NPAT: variants seen among roughly 807,000 people sequenced by gnomAD.
NPAT encodes the protein nuclear protein, coactivator of histone transcription, also known as protein NPAT.
A neutral mutation model predicts 130.7 loss-of-function variants in NPAT; 52 were observed. That is an observed-to-expected ratio of 0.40 (90% CI 0.32 to 0.50). The LOEUF is 0.50. Among genes scored for constraint, NPAT ranks in the 20% least tolerant of loss-of-function variants. The pLI is 0.68. For missense variants in NPAT, 1,687 were observed against 1,662.6 expected, an observed-to-expected ratio of 1.01 and a Z score of -0.26; for synonymous variants, 580 against 584.8, an observed-to-expected ratio of 0.99 and a Z score of 0.12.
At position 108,169,969 on chromosome 11, in the gene NPAT, C is replaced by A; in HGVS notation, c.2860G>T (p.Val954Phe). 6.2e-7 allele frequency: 1 copy of A among 1,613,960 alleles called. No homozygotes were observed. The highest frequency in any genetic ancestry group is 1.7e-5 in the Admixed American group (1 of 60,020). The change falls in exon 14 of 18, where the codon GTT becomes TTT. Residue 954 changes from valine (V) to phenylalanine (F), a missense_variant. Physicochemically the swap from Val to Phe is conservative, Grantham distance 50. Transcript: ENST00000278612. The part of the protein sequence containing the change: ...GMVGMIPVSV[V>F]GQNGNNFSTP... ...GAAAAGTTATTTCCATTCTGTCCAA[C>A]CACAGATACTGGGATCATCCCTACC... is the stretch of plus-strand genomic sequence containing the variant.
At position 108,181,124 on chromosome 11, in the gene NPAT, A is replaced by G. The variant is rs185641976; in HGVS notation, c.907-4034T>C. Reference sequence around the variant, plus strand: ...GTGTTGAAGTCCCAACCTCAACAGGACTGTATTTGCAGATAAGACCTTTAA... The same window carrying G: ...GTGTTGAAGTCCCAACCTCAACAGGGCTGTATTTGCAGATAAGACCTTTAA... On this transcript the variant is annotated intron_variant, in intron 10 of 17. Transcript: ENST00000278612. Among the ~76,000 whole-genome samples, 6 of 152,338 alleles carry G rather than the reference A, an allele frequency of 3.9e-5. No individual in the cohort carries two copies. In the East Asian group the frequency reaches 1.2e-3, roughly 29 times the overall value.
rs2077812434 is a variant in NPAT, at chr11:108,158,081, T to C, written c.*861A>G. The C allele has an allele frequency of 6.6e-6, 1 of 152,520 alleles. No homozygotes were observed. The highest frequency in any genetic ancestry group is 1.5e-5 in the Non-Finnish European group (1 of 67,964). 9.4% of individuals were successfully genotyped at this position (152,520 alleles called of 1,614,324 possible). On this transcript the variant is annotated 3_prime_UTR_variant, in exon 18 of 18. Transcript: ENST00000278612. ...CACATAGAACACAAGATTTAAATTA[T>C]ATGTGCATTGGTCACTACAATGTAA...
intron 1 of NPAT, among the ~76,000 whole-genome samples, chr11:108,219,403 C>T (rs749797557): frequency 2.6e-4 from 39 of 152,146 alleles, no homozygotes; most frequent in Non-Finnish European, 4.4e-4. Flanking sequence ...AGCTGCTGGG[C>T]GTCTTAGCTT....
At chr11:108,215,126 C>T (rs1366024148) in intron 1 of NPAT, among the ~76,000 whole-genome samples, 1 of 152,178 alleles carries the variant, frequency 6.6e-6, no homozygotes, top group African/African-American at 2.4e-5. Flanking sequence ...CTTTTCTTAA[C>T]CTAGCTATCT....
chr11:108,187,203 C>T (rs949948759), intron 7 of NPAT, among the ~76,000 whole-genome samples: 9 of 152,148 alleles, frequency 5.9e-5, no homozygotes, highest in Non-Finnish European at 8.8e-5. Context: ...GTAATCCCAG[C>T]AATTTTGGAG....
intron 15 of NPAT, among the ~76,000 whole-genome samples, chr11:108,166,391 TAAA>T (rs954624017): frequency 1.3e-5 from 2 of 151,010 alleles, no homozygotes; most frequent in Non-Finnish European, 3.0e-5. Context: ...GACTCCCATC[TAAA>T]AAAAAATAAA....
In NPAT at chr11:108,189,322, T is replaced by C. The variant is rs373298862; in HGVS notation, c.340A>G (p.Arg114Gly). The C allele has an allele frequency of 9.9e-6, 16 of 1,614,204 alleles. No individual in the cohort carries two copies. Among genetic ancestry groups the C allele is most frequent in the Non-Finnish European group, 1.4e-5 (16 of 1,180,026 alleles). Residue 114 changes from arginine (R) to glycine (G), a missense_variant, in exon 6 of 18, where the codon AGA becomes GGA. Physicochemically the swap from Arg to Gly is moderately radical, Grantham distance 125 (BLOSUM62 -2). Transcript: ENST00000278612. The stretch of plus-strand genomic sequence containing the variant: ...CGTTTGATTTCTGCAATTCCAGTTC[T>C]CGTTCGGGCTGAAACATATAAGCAT... Reference protein sequence around the residue: ...RFAGSQRARTRTGIAEIKRQR... With the variant: ...RFAGSQRARTGTGIAEIKRQR...
rs915561142 is a variant in NPAT at position 108,193,085 on chromosome 11, T to G, written c.217+872A>C. Among the ~76,000 whole-genome samples, 8 of 152,220 alleles carry G rather than the reference T, an allele frequency of 5.3e-5. No individual in the cohort carries two copies. In the South Asian group the frequency reaches 1.2e-3, roughly 24 times the overall value. ...TCCTTTGTTATCATCTTATGCGAATTCTTTAGTGCTAATTGTTTTGTTAAT... is the reference window on the plus strand; with the variant it reads ...TCCTTTGTTATCATCTTATGCGAATGCTTTAGTGCTAATTGTTTTGTTAAT... On this transcript the variant is annotated intron_variant, in intron 3 of 17. Transcript: ENST00000278612.
chr11:108,172,913 C>T lies in NPAT; in HGVS notation c.2071G>A (p.Glu691Lys). The T allele has an allele frequency of 6.2e-7, 1 of 1,614,114 alleles. No individual in the cohort carries two copies. The highest frequency in any genetic ancestry group is 1.1e-5 in the South Asian group (1 of 91,086). Reference sequence around the variant, plus strand: ...TGACTGTTTTCTACAGGAGTGCCTTCTGGAGGCGTCAGTGCAACTTTCTCA... The same window carrying T: ...TGACTGTTTTCTACAGGAGTGCCTTTTGGAGGCGTCAGTGCAACTTTCTCA... ...NCEKVALTPP[E>K]GTPVENSHSL... is the part of the protein sequence containing the mutation. Residue 691 changes from glutamate to lysine, a missense_variant, in exon 13 of 18, where the codon GAA becomes AAA. Physicochemically the swap from Glu to Lys is moderately conservative, Grantham distance 56 (BLOSUM62 1). Around this residue, in one of 3 missense-constraint regions of NPAT, gnomAD observed 1,379 missense variants for 1,346.6 expected, o/e 1.02. Transcript: ENST00000278612.
intron 10 of NPAT, among the ~76,000 whole-genome samples, chr11:108,180,952 T>C (rs2078052666): frequency 6.6e-6 from 1 of 152,228 alleles, no homozygotes; most frequent in Non-Finnish European, 1.5e-5. Context: ...GTAAATGCTG[T>C]ATGATTCTAC....
At position 108,189,127 on chromosome 11, in the gene NPAT, G is replaced by GT. The variant is rs1178802232; in HGVS notation, c.534dup (p.Gln179ThrfsTer32). 1 of 1,613,898 alleles carries GT rather than the reference G, an allele frequency of 6.2e-7. No homozygotes were observed. The highest frequency in any genetic ancestry group is 1.1e-5 in the South Asian group (1 of 91,078). ...TTACTGGTTACAGTATCTTGTGACT[G>GT]TGAGTGGTTGACCACTACAAAATAT... On this transcript the variant is annotated frameshift_variant, in exon 6 of 18. Coordinates refer to ENST00000278612, the MANE Select transcript of NPAT (RefSeq NM_002519.3). LOFTEE classifies it high-confidence loss of function.
chr11:108,184,455 A>C (rs2078085582), intron 10 of NPAT, among the ~76,000 whole-genome samples: 1 of 145,044 alleles, frequency 6.9e-6, no homozygotes, highest in African/African-American at 2.5e-5. Flanking sequence ...CTGGGCGACA[A>C]AGTGAGACTC....
At chr11:108,190,356 T>C in intron 5 of NPAT, 104 bp downstream of exon 5, 1 of 802,154 alleles carries the variant, frequency 1.2e-6, no homozygotes. Context: ...AACAGTAGTT[T>C]AAGGAAAATA....
chr11:108,171,177 CT>C (rs1360909434), intron 13 of NPAT: 1 of 128,318 alleles, frequency 7.8e-6, no homozygotes, highest in East Asian at 2.3e-4. Flanking sequence ...GTCACCCAGG[CT>C]GAAGTGCAGT....
At chr11:108,179,664 G>A (rs1464448518) in intron 10 of NPAT, among the ~76,000 whole-genome samples, 1 of 152,188 alleles carries the variant, frequency 6.6e-6, no homozygotes, top group Non-Finnish European at 1.5e-5. Context: ...AAATCATAAG[G>A]GAGGCCAGGC....
intron 1 of NPAT, among the ~76,000 whole-genome samples, chr11:108,211,700 G>A (rs926510728): frequency 1.3e-5 from 2 of 152,284 alleles, no homozygotes; most frequent in African/African-American, 2.4e-5. Context: ...TATCCCTAAC[G>A]TAAAAGACGA....
intron 1 of NPAT, among the ~76,000 whole-genome samples, chr11:108,209,588 T>C (rs1012223983): frequency 1.3e-5 from 2 of 151,944 alleles, no homozygotes; most frequent in Non-Finnish European, 2.9e-5. Context: ...CCTTAAAATT[T>C]AAAATCAATT....
chr11:108,209,937 T>C (rs999612952), intron 1 of NPAT, among the ~76,000 whole-genome samples: 1 of 143,004 alleles, frequency 7.0e-6, no homozygotes, highest in African/African-American at 2.6e-5. Flanking sequence ...TCATCTACCT[T>C]AAGAAACTAG....
At chr11:108,200,422 G>A (rs1482144789) in intron 1 of NPAT, among the ~76,000 whole-genome samples, 1 of 152,128 alleles carries the variant, frequency 6.6e-6, no homozygotes, top group Admixed American at 6.5e-5. Flanking sequence ...GCTAGGCAGG[G>A]CTATTTTAGC....
Sources: allele counts gnomAD v4.1 joint callset (sites outside exome capture counted in the v4.1 genomes callset), GRCh38; gene constraint gnomAD v4.1.1; regional missense constraint gnomAD v4.1.1; transcripts MANE v1.5; gene names NCBI Gene and HGNC (gene_info 2026-07-23, HGNC 2026-07-21).